FGD5: variants seen among roughly 807,000 people sequenced by gnomAD.
FGD5 encodes FYVE, RhoGEF and PH domain containing 5.
A neutral mutation model predicts 133.4 loss-of-function variants in FGD5; 28 were observed. The ratio of observed to expected loss-of-function variants is 0.21; its 90% CI spans 0.16 to 0.29. FGD5 has a LOEUF of 0.29. Ranked by LOEUF, FGD5 falls within the 10% of genes least tolerant of loss-of-function variation. The probability of loss-of-function intolerance (pLI) is 1.00; values close to 1 mark genes in which losing one functional copy is unlikely to be tolerated. For missense variants in FGD5, 1,858 were observed against 1,895.2 expected (o/e 0.98, Z 0.36); for synonymous variants, 810 against 776.5 (o/e 1.04, Z -0.72).
chr3:14,917,481 G>A lies in FGD5; in HGVS notation c.3489+149G>A, dbSNP rs565997651. The A allele has an allele frequency of 1.6e-5, 11 of 696,722 alleles. No individual in the cohort carries two copies. The highest frequency in any genetic ancestry group is 1.1e-4 in the Admixed American group (4 of 37,014). The allele number at this position is 696,722 out of a possible 1,614,324, so 43.2% of individuals were successfully genotyped here. A position where few individuals can be genotyped will look rare whatever the true frequency, so the allele number is the denominator to read the frequency against. On this transcript the variant is annotated intron_variant, in intron 12 of 19. Transcript: ENST00000285046. The surrounding 1 kb of genome is among the most constrained non-coding windows in gnomAD (Gnocchi z 4.1). ...TGTTGGGCTACAGCAAGTTTGTGCT[G>A]TAAGTTGCCCAGGGAAAGGGGAGGG...
chr3:14,893,752 C>CTT (rs138741627), intron 4 of FGD5, among the ~76,000 whole-genome samples: 49,239 of 94,834 alleles, frequency 0.52, 13,832 homozygotes, highest in Non-Finnish European at 0.6. Context: ...TTTCTTTTTT[C>CTT]TTTTTTTTTT....
chr3:14,894,503 T>C (rs1308706680), intron 4 of FGD5, among the ~76,000 whole-genome samples: 1 of 107,544 alleles, frequency 9.3e-6, no homozygotes, highest in Non-Finnish European at 1.8e-5. Context: ...CATTTGTTAG[T>C]TCTTTTTTTT....
chr3:14,848,934 C>T (rs551078645), intron 1 of FGD5, among the ~76,000 whole-genome samples: 1 of 152,256 alleles, frequency 6.6e-6, no homozygotes, highest in South Asian at 2.1e-4. Context: ...TCACATGCAG[C>T]CCCTGCCCTC....
intron 9 of FGD5, among the ~76,000 whole-genome samples, chr3:14,907,116 T>A (rs2038355951): frequency 2.0e-5 from 3 of 152,204 alleles, no homozygotes; most frequent in East Asian, 1.9e-4. Context: ...GGGTGGGCGC[T>A]TGTTGTATCT....
At chr3:14,912,140 C>T (rs961135398) in intron 11 of FGD5, among the ~76,000 whole-genome samples, 8 of 152,222 alleles carry the variant, frequency 5.3e-5, no homozygotes, top group East Asian at 3.9e-4. Flanking sequence ...AGGCCCTACC[C>T]GTAGAGGGGC....
intron 18 of FGD5, among the ~76,000 whole-genome samples, chr3:14,927,154 G>A (rs2038817903): frequency 6.6e-6 from 1 of 152,186 alleles, no homozygotes; most frequent in East Asian, 1.9e-4. Context: ...AGCAAAGCAG[G>A]CAGACAGGGG....
chr3:14,811,062 T>G (rs1288166507), intron 1 of FGD5, among the ~76,000 whole-genome samples: 1 of 151,926 alleles, frequency 6.6e-6, no homozygotes, highest in East Asian at 2.0e-4. Flanking sequence ...GGGGTCCCCG[T>G]CCGAAGCGCC....
intron 11 of FGD5, among the ~76,000 whole-genome samples, chr3:14,914,255 A>T (rs916182640): frequency 3.3e-5 from 5 of 152,172 alleles, no homozygotes; most frequent in Non-Finnish European, 7.4e-5. Flanking sequence ...TGCAGAACAG[A>T]GTTGGGGCAT....
At chr3:14,878,827 C>G (rs1276895254) in intron 2 of FGD5, among the ~76,000 whole-genome samples, 1 of 151,196 alleles carries the variant, frequency 6.6e-6, no homozygotes, top group Non-Finnish European at 1.5e-5. Flanking sequence ...CTGCCTCAGT[C>G]TCCCGAGTAG....
chr3:14,932,748 T>C lies in FGD5; in HGVS notation c.4352+17T>C. The C allele has an allele frequency of 6.2e-7, 1 of 1,609,456 alleles. No homozygotes were observed. The highest frequency in any genetic ancestry group is 8.5e-7 in the Non-Finnish European group (1 of 1,178,514). On this transcript the variant is annotated intron_variant, in intron 19 of 19. Transcript: ENST00000285046. ...AGCTCAGAGGTACGAAAAGAACTAA[T>C]TAGTCTTATAGCTTTTTGTTCTCTC...
chr3:14,866,038 C>T (rs115337849), intron 2 of FGD5, among the ~76,000 whole-genome samples: 4 of 152,250 alleles, frequency 2.6e-5, no homozygotes, highest in Non-Finnish European at 4.4e-5. Flanking sequence ...GCGAGAACGT[C>T]GGAGGGCTGA....
intron 1 of FGD5, among the ~76,000 whole-genome samples, chr3:14,841,020 G>A (rs1207591470): frequency 3.9e-5 from 6 of 152,196 alleles, no homozygotes; most frequent in African/African-American, 7.2e-5. Flanking sequence ...TTGTGCCCCC[G>A]ATCAGTGTGC....
chr3:14,817,009 C>T (rs928801805), upstream of FGD5, among the ~76,000 whole-genome samples: 8 of 151,980 alleles, frequency 5.3e-5, no homozygotes, highest in Non-Finnish European at 1.0e-4. Context: ...GCATGTGGCT[C>T]GTGAGCAGGT....
intron 17 of FGD5, 28 bp downstream of exon 17, chr3:14,924,166 G>A (rs1264792768): frequency 1.9e-6 from 3 of 1,613,704 alleles, no homozygotes; most frequent in Non-Finnish European, 2.5e-6. Flanking sequence ...ACCCAAGTGG[G>A]AAGTAGGGCA....
rs2038695606 is a variant in FGD5 at position 14,922,159 on chromosome 3, C to T, written c.3669+142C>T. 6 of 1,022,434 alleles carry T rather than the reference C, an allele frequency of 5.9e-6. No individual in the cohort carries two copies. The Admixed American group carries it at 8.5e-5, about 15-fold the overall frequency. 63.3% of individuals were successfully genotyped at this position (1,022,434 alleles called of 1,614,324 possible). A position where few individuals can be genotyped will look rare whatever the true frequency, so the allele number is the denominator to read the frequency against. On this transcript the variant is annotated intron_variant, in intron 14 of 19. Transcript: ENST00000285046. The surrounding 1 kb of genome is among the most constrained non-coding windows in gnomAD (Gnocchi z 4.1). ...TGGCTCCCCCCACACCCCTGCCATGCTCCCACCCTAGTCAGGGGCGGCCTC... is the reference window on the plus strand; with the variant it reads ...TGGCTCCCCCCACACCCCTGCCATGTTCCCACCCTAGTCAGGGGCGGCCTC...
At chr3:14,811,847 A>G (rs2036299032) in intron 1 of FGD5, among the ~76,000 whole-genome samples, 1 of 152,140 alleles carries the variant, frequency 6.6e-6, no homozygotes, top group South Asian at 2.1e-4. Flanking sequence ...CCTGCCAAGG[A>G]GCAATCACCA....
chr3:14,897,388 C>A, intron 4 of FGD5, 121 bp from the exon 5 acceptor site: 1 of 1,183,192 alleles, frequency 8.5e-7, no homozygotes, highest in Non-Finnish European at 1.2e-6. Flanking sequence ...GAGACACTGG[C>A]TTAAGTCCTC....
At chr3:14,910,955 C>G in intron 11 of FGD5, 26 bp downstream of exon 11, 1 of 1,602,584 alleles carries the variant, frequency 6.2e-7, no homozygotes, top group East Asian at 2.2e-5. Flanking sequence ...CCAAGCCCAG[C>G]TCAGGAACTG....
At chr3:14,895,307 A>G (rs146847460) in intron 4 of FGD5, among the ~76,000 whole-genome samples, 6 of 152,180 alleles carry the variant, frequency 3.9e-5, no homozygotes, top group Admixed American at 3.3e-4. Flanking sequence ...TATTTCCCCA[A>G]TGTTTTATTC....
Sources: gnomAD v4.1 joint callset for allele counts (sites outside exome capture counted in the v4.1 genomes callset) on GRCh38, gnomAD v4.1.1 for gene constraint, Gnocchi (gnomAD v3.1) non-coding constraint, MANE v1.5 for transcripts, NCBI Gene and HGNC (gene_info 2026-07-23, HGNC 2026-07-21) for gene names.